Variants in ADCY2 observed in about 807,000 individuals in gnomAD.
The protein encoded by ADCY2 is adenylate cyclase type 2.
ADCY2 carries 31 observed loss-of-function variants against 125.2 expected under a neutral mutation model. That is an observed-to-expected ratio of 0.25 (90% confidence interval 0.19 to 0.33). The LOEUF (loss-of-function observed/expected upper bound fraction) is 0.33. Ranked by LOEUF, ADCY2 falls within the 10% of genes least tolerant of loss-of-function variation. The pLI is 1.00. For synonymous variants in ADCY2, 512 were observed against 548.4 expected (o/e 0.93, Z 0.93); for missense variants, 904 against 1,418.2 (o/e 0.64, Z 5.82).
At position 7,665,828 on chromosome 5, in the gene ADCY2, CTTTTTTTTTTTTTTT is replaced by C. The variant is rs70940750; in HGVS notation, c.721-24849_721-24835del. Among the ~76,000 whole-genome samples the C allele has an allele frequency of 1.9e-3, 73 of 38,638 alleles. 1 individual carries two copies. Among genetic ancestry groups the C allele is most frequent in the African/African-American group, 7.5e-3 (72 of 9,640 alleles). 25.3% of individuals were successfully genotyped at this position (38,638 alleles called of 152,430 possible). A position where few individuals can be genotyped will look rare whatever the true frequency, so the allele number is the denominator to read the frequency against. ...TGTTTTGTTTTTTTTTAATTTAATT[CTTTTTTTTTTTTTTT>C]TTTTTTTTTTTTTGAGACAGAATCT... On this transcript the variant is annotated intron_variant, in intron 4 of 24. Transcript: ENST00000338316.
chr5:7,436,900 T>C (rs748057964), intron 2 of ADCY2, among the ~76,000 whole-genome samples: 18 of 152,166 alleles, frequency 1.2e-4, no homozygotes, highest in Non-Finnish European at 2.4e-4. Context: ...CCAGCTGAAC[T>C]TGTTGGAGCC....
At chr5:7,617,919 T>G (rs1737819457) in intron 3 of ADCY2, among the ~76,000 whole-genome samples, 1 of 152,182 alleles carries the variant, frequency 6.6e-6, no homozygotes, top group South Asian at 2.1e-4. Context: ...ATAGAAAAGT[T>G]TTTGTTCTCC....
rs376453718 is a variant in ADCY2, at chr5:7,822,571, A to G, written c.3123+1882A>G. Among the ~76,000 whole-genome samples the G allele has an allele frequency of 2.0e-3, 298 of 152,346 alleles. 2 individuals carry two copies. The highest frequency in any genetic ancestry group is 6.8e-3 in the African/African-American group (281 of 41,568). ...ATTCTGCTTCTATTAATAGCTAGAA[A>G]TTAGTGAAATTCAATCTGCCTTCCA... On this transcript the variant is annotated intron_variant, in intron 24 of 24. Transcript: ENST00000338316.
At chr5:7,543,840 C>T (rs553624243) in intron 3 of ADCY2, among the ~76,000 whole-genome samples, 43 of 151,618 alleles carry the variant, frequency 2.8e-4, no homozygotes, top group African/African-American at 7.7e-4. Context: ...GGTGAAACCC[C>T]GTCTCTACTA....
chr5:7,771,197 G>A (rs117836953), intron 17 of ADCY2, among the ~76,000 whole-genome samples: 1 of 152,162 alleles, frequency 6.6e-6, no homozygotes, highest in African/African-American at 2.4e-5. Flanking sequence ...GAGCATGCTA[G>A]ACCCCTCCTC....
chr5:7,470,604 TTATA>T (rs1252223168), intron 2 of ADCY2, among the ~76,000 whole-genome samples: 1 of 147,188 alleles, frequency 6.8e-6, no homozygotes, highest in Non-Finnish European at 1.5e-5. Context: ...ATTAGGCTAT[TTATA>T]TATAGTTTTA....
chr5:7,559,402 G>T (rs930112766), intron 3 of ADCY2, among the ~76,000 whole-genome samples: 84 of 152,214 alleles, frequency 5.5e-4, no homozygotes, highest in Middle Eastern at 6.8e-3. Flanking sequence ...TTCATAGTTA[G>T]CTGTATTCCT....
chr5:7,578,335 A>G (rs1463148672), intron 3 of ADCY2, among the ~76,000 whole-genome samples: 1 of 152,160 alleles, frequency 6.6e-6, no homozygotes, highest in Non-Finnish European at 1.5e-5. Flanking sequence ...AGAAGTCTTG[A>G]GTGTGTTTCC....
At chr5:7,466,797 G>A (rs1171063219) in intron 2 of ADCY2, among the ~76,000 whole-genome samples, 1 of 152,166 alleles carries the variant, frequency 6.6e-6, no homozygotes, top group Admixed American at 6.5e-5. Context: ...ATAATAGCAA[G>A]TAACAAGCAC....
chr5:7,520,997 A>G (rs1467487657), intron 3 of ADCY2, 98 bp downstream of exon 3: 3 of 1,448,750 alleles, frequency 2.1e-6, no homozygotes, highest in Non-Finnish European at 2.8e-6. Context: ...GTAGTGTGGT[A>G]CCTGCAGCTG....
chr5:7,413,546 C>T (rs1233796972), intron 1 of ADCY2, among the ~76,000 whole-genome samples: 3 of 151,970 alleles, frequency 2.0e-5, no homozygotes, highest in Admixed American at 6.5e-5. Flanking sequence ...GATCTGCCCG[C>T]CTCGGCCTCC....
At chr5:7,662,363 C>T (rs1034998556) in intron 4 of ADCY2, among the ~76,000 whole-genome samples, 2 of 152,216 alleles carry the variant, frequency 1.3e-5, no homozygotes, top group Non-Finnish European at 2.9e-5. Flanking sequence ...GGCAGAAATG[C>T]AACTGAGACT....
intron 15 of ADCY2, among the ~76,000 whole-genome samples, chr5:7,747,767 T>C (rs1448925959): frequency 1.3e-5 from 2 of 152,238 alleles, no homozygotes; most frequent in African/African-American, 4.8e-5. Context: ...GTTATTACTT[T>C]TATTCTTGTG....
In ADCY2 at chr5:7,775,175, TTGTGTGTG is replaced by T. The variant is rs200142910; in HGVS notation, c.2384+2102_2384+2109del. 2.8e-3 allele frequency among the ~76,000 whole-genome samples: 404 copies of T among 146,264 alleles called. 1 individual carries two copies. Among genetic ancestry groups the T allele is most frequent in the African/African-American group, 9.8e-3 (389 of 39,632 alleles). On this transcript the variant is annotated intron_variant, in intron 18 of 24. Transcript: ENST00000338316. Reference sequence around the variant, plus strand: ...GTGCCTGCCACCATGCCCAGCTACTTTGTGTGTGTGTGTGTGTGTGTGTGTGTGTGTGT... The same window carrying T: ...GTGCCTGCCACCATGCCCAGCTACTTTGTGTGTGTGTGTGTGTGTGTGTGT...
chr5:7,724,425 T>TTA, intron 12 of ADCY2, 120 bp from the exon 13 acceptor site: 1 of 690,954 alleles, frequency 1.4e-6, no homozygotes, highest in Non-Finnish European at 2.4e-6. Flanking sequence ...TTTTTTTTTT[T>TTA]AAATGCTGTT....
intron 4 of ADCY2, among the ~76,000 whole-genome samples, chr5:7,659,719 G>A (rs565811600): frequency 6.6e-6 from 1 of 152,204 alleles, no homozygotes; most frequent in Non-Finnish European, 1.5e-5. Flanking sequence ...TTATTCTTGT[G>A]CAATTTACAT....
chr5:7,631,046 T>C (rs1365605141), intron 4 of ADCY2, among the ~76,000 whole-genome samples: 1 of 152,122 alleles, frequency 6.6e-6, no homozygotes, highest in Non-Finnish European at 1.5e-5. Context: ...CCACCTTGGC[T>C]TCCCAAAGTG....
At chr5:7,462,196 C>T (rs1470703928) in intron 2 of ADCY2, among the ~76,000 whole-genome samples, 2 of 152,188 alleles carry the variant, frequency 1.3e-5, no homozygotes, top group South Asian at 2.1e-4. Context: ...CAACAGCAGA[C>T]GAACCCAAAC....
Position 7,545,306 on chromosome 5 carries a change from C to A in ADCY2, c.570+24407C>A, listed in dbSNP as rs546431927. On this transcript the variant is annotated intron_variant, in intron 3 of 24. Coordinates refer to ENST00000338316, the MANE Select transcript of ADCY2 (RefSeq NM_020546.3). Reference sequence around the variant, plus strand: ...GCTTCTGGGAACCATATTGGATTTACCAGGGTCAGTATCCACTAATGTGGT... The same window carrying A: ...GCTTCTGGGAACCATATTGGATTTAACAGGGTCAGTATCCACTAATGTGGT... Among the ~76,000 whole-genome samples the A allele has an allele frequency of 3.3e-5, 5 of 152,300 alleles. No individual in the cohort carries two copies. In the South Asian group the frequency reaches 1.0e-3, roughly 32 times the overall value.
Sources: allele counts gnomAD v4.1 joint callset (sites outside exome capture counted in the v4.1 genomes callset), GRCh38; gene constraint gnomAD v4.1.1; transcripts MANE v1.5; gene names NCBI Gene and HGNC (gene_info 2026-07-23, HGNC 2026-07-21).